Variants in MYO9A observed in about 807,000 individuals in gnomAD.
MYO9A encodes the protein myosin IXA, also known as unconventional myosin-IXa.
MYO9A carries 103 observed loss-of-function variants against 293.3 expected under a neutral mutation model. The observed-to-expected ratio is 0.35, with a 90% confidence interval of 0.30 to 0.41. The LOEUF (loss-of-function observed/expected upper bound fraction) is 0.41. MYO9A is among the 10% of genes least tolerant of loss of function. MYO9A has a pLI of 1.00. For synonymous variants in MYO9A, 1,001 were observed against 1,035.7 expected (o/e 0.97, Z 0.64); for missense variants, 2,685 against 3,033.0 (o/e 0.89, Z 2.69).
In MYO9A at chr15:71,826,434, C is replaced by G. The variant is rs896406497; in HGVS notation, c.*146G>C. Reference sequence around the variant, plus strand: ...TGCTTCTGCAGGAGGCCCAGGAATTCAGCACATACAGTCTTAGCCATATGC... The same window carrying G: ...TGCTTCTGCAGGAGGCCCAGGAATTGAGCACATACAGTCTTAGCCATATGC... On this transcript the variant is annotated 3_prime_UTR_variant, in exon 42 of 42. Coordinates refer to ENST00000356056, the MANE Select transcript of MYO9A (RefSeq NM_006901.4). The G allele has an allele frequency of 3.2e-5, 24 of 749,480 alleles. No homozygotes were observed. The African/African-American group carries it at 3.9e-4, about 12-fold the overall frequency. 46.4% of individuals were successfully genotyped at this position (749,480 alleles called of 1,614,324 possible).
intron 31 of MYO9A, among the ~76,000 whole-genome samples, chr15:71,877,701 G>T (rs1235070229): frequency 1.3e-5 from 2 of 152,084 alleles, no homozygotes; most frequent in Non-Finnish European, 2.9e-5. Context: ...CAAGTTCTCT[G>T]CCAATCTAGG....
chr15:71,867,568 G>T (rs1181726113), intron 32 of MYO9A, among the ~76,000 whole-genome samples: 1 of 149,146 alleles, frequency 6.7e-6, no homozygotes, highest in African/African-American at 2.5e-5. Flanking sequence ...AAAGAAAAAT[G>T]AGTAACGAAC....
At chr15:72,100,890 C>CT (rs2080268362) in intron 1 of MYO9A, among the ~76,000 whole-genome samples, 2 of 144,848 alleles carry the variant, frequency 1.4e-5, no homozygotes, top group African/African-American at 2.6e-5. Flanking sequence ...AGCCCCCCGC[C>CT]GGCCAGCCGC....
At chr15:72,046,671 TAC>T in intron 1 of MYO9A, 37 bp from the exon 2 acceptor site, 1 of 1,329,078 alleles carries the variant, frequency 7.5e-7, no homozygotes, top group East Asian at 2.3e-5. Context: ...TAGAAGTAAA[TAC>T]ACATTGCTTT....
At chr15:71,922,465 C>G (rs536820128) in intron 18 of MYO9A, among the ~76,000 whole-genome samples, 1 of 152,086 alleles carries the variant, frequency 6.6e-6, no homozygotes, top group Non-Finnish European at 1.5e-5. Flanking sequence ...GCGGTGAGAT[C>G]ACTTGAAATT....
At chr15:71,881,702 T>C (rs1056533685) in intron 28 of MYO9A, among the ~76,000 whole-genome samples, 1 of 152,084 alleles carries the variant, frequency 6.6e-6, no homozygotes, top group Non-Finnish European at 1.5e-5. Flanking sequence ...CAAATATAAA[T>C]AAAAAGCTAT....
chr15:71,827,851 A>T (rs1208633518), intron 41 of MYO9A, 33 bp downstream of exon 41: 1 of 1,585,508 alleles, frequency 6.3e-7, no homozygotes, highest in Non-Finnish European at 8.6e-7. Context: ...TGCAAAACAA[A>T]TCTGGAGTCT....
At position 71,852,179 on chromosome 15, in the gene MYO9A, T is replaced by C; in HGVS notation, c.6428A>G (p.Asn2143Ser). Residue 2143 changes from asparagine (N) to serine (S), a missense_variant, in exon 36 of 42, where the codon AAT becomes AGT. Physicochemically the swap from Asn to Ser is conservative, Grantham distance 46 (BLOSUM62 1). This residue lies in a region of MYO9A where 238 missense variants were observed against 269.1 expected (regional missense o/e 0.88). Coordinates refer to ENST00000356056, the MANE Select transcript of MYO9A (RefSeq NM_006901.4). ...VFKQWLRDLP[N>S]PLMTFELYEE... is the part of the protein sequence containing the mutation. ...ATAGAGTTCAAAGGTCATGAGAGGA[T>C]TGGGCAAATCTCGAAGCCATTGTTT... 3.1e-6 allele frequency: 5 copies of C among 1,613,834 alleles called. No homozygotes were observed. Among genetic ancestry groups the C allele is most frequent in the Non-Finnish European group, 3.4e-6 (4 of 1,179,822 alleles).
At position 71,824,272 on chromosome 15, in the gene MYO9A, C is replaced by CCAT. The variant is rs2054379943; in HGVS notation, c.*2305_*2307dup. ...GAAAAATTATAAAGTCTCTTAACATCCATCACCTAGTTCCTTTAAAGTGAC... is the reference window on the plus strand; with the variant it reads ...GAAAAATTATAAAGTCTCTTAACATCCATCATCACCTAGTTCCTTTAAAGTGAC... On this transcript the variant is annotated 3_prime_UTR_variant, in exon 42 of 42. Coordinates refer to ENST00000356056, the MANE Select transcript of MYO9A (RefSeq NM_006901.4). 6.6e-6 allele frequency: 1 copy of CCAT among 152,150 alleles called. No individual in the cohort carries two copies. The highest frequency in any genetic ancestry group is 1.5e-5 in the Non-Finnish European group (1 of 68,036). 9.4% of individuals were successfully genotyped at this position (152,150 alleles called of 1,614,324 possible).
At chr15:71,924,801 C>A (rs2058248388) in intron 18 of MYO9A, among the ~76,000 whole-genome samples, 2 of 151,832 alleles carry the variant, frequency 1.3e-5, no homozygotes, top group Non-Finnish European at 2.9e-5. Flanking sequence ...ATGCCTGTAA[C>A]CCCAGCTATT....
rs28408266 is a variant in MYO9A, at chr15:71,880,174, A to G, written c.5622+161T>C. On this transcript the variant is annotated intron_variant, in intron 29 of 41. Transcript: ENST00000356056. ...ACCTTAAATCCTGTCTACCCAGTCT[A>G]ACTAATGCATATCCTATTATTCACA... is the stretch of plus-strand genomic sequence containing the variant. Among the ~76,000 whole-genome samples the G allele has an allele frequency of 0.024, 3,708 of 152,354 alleles. 146 individuals carry two copies. Among genetic ancestry groups the G allele is most frequent in the African/African-American group, 0.084 (3,512 of 41,578 alleles).
At chr15:72,012,890 T>C (rs554318065) in intron 6 of MYO9A, among the ~76,000 whole-genome samples, 1 of 152,340 alleles carries the variant, frequency 6.6e-6, no homozygotes, top group South Asian at 2.1e-4. Flanking sequence ...AAAATATGTT[T>C]GTATTTGCTC....
Position 71,862,586 on chromosome 15 carries a change from A to G in MYO9A, c.6005T>C (p.Phe2002Ser). ...AGGGATGCTATATTGGGTGGCTTTAAAGATGTGACCATTGTGTTCTTCCAC... is the reference window on the plus strand; with the variant it reads ...AGGGATGCTATATTGGGTGGCTTTAGAGATGTGACCATTGTGTTCTTCCAC... Reference protein sequence around the residue: ...DLVEEHNGHIFKATQYSIPTY... With the variant: ...DLVEEHNGHISKATQYSIPTY... The change falls in exon 33 of 42, where the codon TTT becomes TCT. Residue 2002 changes from phenylalanine to serine, a missense_variant. By Grantham distance (155) the Phe-to-Ser change is radical. This residue lies in a region of MYO9A where 14 missense variants were observed against 38.0 expected (regional missense o/e 0.37). Transcript: ENST00000356056. 6.2e-7 allele frequency: 1 copy of G among 1,612,350 alleles called. No homozygotes were observed. Among genetic ancestry groups the G allele is most frequent in the Non-Finnish European group, 8.5e-7 (1 of 1,178,558 alleles).
At chr15:72,029,834 G>C (rs932306911) in intron 3 of MYO9A, among the ~76,000 whole-genome samples, 1 of 152,154 alleles carries the variant, frequency 6.6e-6, no homozygotes, top group African/African-American at 2.4e-5. Flanking sequence ...AAATGTAAAA[G>C]CTTTAGATTA....
chr15:72,049,910 A>G (rs2078502809), intron 1 of MYO9A, among the ~76,000 whole-genome samples: 1 of 152,296 alleles, frequency 6.6e-6, no homozygotes, highest in Admixed American at 6.5e-5. Flanking sequence ...TCTAATCCCT[A>G]AAGTTGTATA....
intron 32 of MYO9A, among the ~76,000 whole-genome samples, chr15:71,874,621 A>G (rs536302724): frequency 4.6e-5 from 7 of 152,242 alleles, no homozygotes; most frequent in Non-Finnish European, 8.8e-5. Context: ...ATAGAGAACT[A>G]TAACGGGAGA....
chr15:71,884,490 A>C (rs1367461362), intron 27 of MYO9A, among the ~76,000 whole-genome samples: 2 of 152,178 alleles, frequency 1.3e-5, no homozygotes, highest in Non-Finnish European at 2.9e-5. Flanking sequence ...CTTTTAACAA[A>C]CTACTATAAA....
At chr15:71,836,024 A>G (rs1224892453) in intron 39 of MYO9A, among the ~76,000 whole-genome samples, 1 of 152,096 alleles carries the variant, frequency 6.6e-6, no homozygotes, top group Non-Finnish European at 1.5e-5. Flanking sequence ...TATTCATCCT[A>G]AAGGGAAAGA....
intron 1 of MYO9A, among the ~76,000 whole-genome samples, chr15:72,079,442 C>T (rs2079472181): frequency 6.6e-6 from 1 of 151,960 alleles, no homozygotes; most frequent in Non-Finnish European, 1.5e-5. Context: ...AAATGTAATA[C>T]TCAACAGTCT....
Sources: gnomAD v4.1 joint callset for allele counts (sites outside exome capture counted in the v4.1 genomes callset) on GRCh38, gnomAD v4.1.1 for gene constraint, gnomAD v4.1.1 regional missense constraint, MANE v1.5 for transcripts, NCBI Gene and HGNC (gene_info 2026-07-23, HGNC 2026-07-21) for gene names.